The following RBFOX1 variants were observed in gnomAD, a reference collection of about 807,000 sequenced individuals.
RBFOX1 encodes the protein RNA binding protein fox-1 homolog 1.
In RBFOX1, 8 loss-of-function variants were observed where a neutral mutation model predicts 57.7. That is an observed-to-expected ratio of 0.14 (90% CI 0.08 to 0.25). The LOEUF is 0.25. Ranked by LOEUF, RBFOX1 falls within the 10% of genes least tolerant of loss-of-function variation. The pLI is 1.00. For missense variants in RBFOX1, 611 were observed against 548.5 expected (o/e 1.11, Z -1.14); for synonymous variants, 326 against 222.4 (o/e 1.47, Z -4.15).
chr16:7,574,952 C>G (rs1235639349), intron 5 of RBFOX1, among the ~76,000 whole-genome samples: 7 of 151,648 alleles, frequency 4.6e-5, no homozygotes, highest in African/African-American at 1.7e-4. Flanking sequence ...GTTTGTACTG[C>G]ATACACCTTT....
intron 4 of RBFOX1, among the ~76,000 whole-genome samples, chr16:7,184,632 A>G (rs141339795): frequency 4.6e-5 from 7 of 152,270 alleles, no homozygotes; most frequent in African/African-American, 1.7e-4. Flanking sequence ...GAGCAGTCAC[A>G]GTATACCATG....
rs149989881 is a variant in RBFOX1 at position 6,916,276 on chromosome 16, G to A, written c.-15-135781G>A. Among the ~76,000 whole-genome samples, 18 of 152,266 alleles carry A rather than the reference G, an allele frequency of 1.2e-4. No individual in the cohort carries two copies. The East Asian group carries it at 3.1e-3, about 26-fold the overall frequency. ...TAGCATCCAAGATGGAGTCACTGTT[G>A]TTTCCACAGGATACCATAGTTTGTT... On this transcript the variant is annotated intron_variant, in intron 3 of 15. Coordinates refer to ENST00000550418, the MANE Select transcript of RBFOX1 (RefSeq NM_018723.4).
At chr16:6,870,617 A>T (rs376744888) in intron 3 of RBFOX1, among the ~76,000 whole-genome samples, 5 of 152,200 alleles carry the variant, frequency 3.3e-5, no homozygotes, top group African/African-American at 4.8e-5. Context: ...AGCAATAACA[A>T]ATCATAATGT....
At chr16:5,798,170 T>G (rs2054939044) in intron 3 of RBFOX1, among the ~76,000 whole-genome samples, 1 of 152,168 alleles carries the variant, frequency 6.6e-6, no homozygotes, top group African/African-American at 2.4e-5. Context: ...TGACTAATTG[T>G]AAGAAGTCAT....
chr16:6,313,366 G>A (rs1387130204), intron 1 of RBFOX1, among the ~76,000 whole-genome samples: 1 of 152,192 alleles, frequency 6.6e-6, no homozygotes, highest in African/African-American at 2.4e-5. Context: ...TGACCTGCAT[G>A]GGGGCAAGGG....
At chr16:7,467,096 G>T (rs746214798) in intron 4 of RBFOX1, among the ~76,000 whole-genome samples, 1 of 152,114 alleles carries the variant, frequency 6.6e-6, no homozygotes, top group African/African-American at 2.4e-5. Flanking sequence ...TTTAAATTGC[G>T]ATATGAAGGA....
intron 4 of RBFOX1, among the ~76,000 whole-genome samples, chr16:7,349,612 A>G (rs910142247): frequency 6.6e-6 from 1 of 152,046 alleles, no homozygotes; most frequent in African/African-American, 2.4e-5. Flanking sequence ...CAAAATGAGG[A>G]TGGCGACATA....
At chr16:6,055,701 A>G (rs968970160) in intron 1 of RBFOX1, among the ~76,000 whole-genome samples, 4 of 152,012 alleles carry the variant, frequency 2.6e-5, no homozygotes, top group Non-Finnish European at 5.9e-5. Context: ...AATCATTGCG[A>G]TAAGGAAGTG....
At chr16:5,900,025 C>A (rs1233540359) in intron 4 of RBFOX1, among the ~76,000 whole-genome samples, 1 of 152,130 alleles carries the variant, frequency 6.6e-6, no homozygotes, top group East Asian at 1.9e-4. Flanking sequence ...TTGCAGTGAG[C>A]CGAGATTGTG....
intron 10 of RBFOX1, among the ~76,000 whole-genome samples, chr16:7,607,916 C>T (rs1357757472): frequency 1.3e-5 from 2 of 152,190 alleles, no homozygotes; most frequent in Non-Finnish European, 2.9e-5. Flanking sequence ...CCTTCCCTGC[C>T]TAAGCACCAA....
rs1272206497 is a variant in RBFOX1 at position 6,019,689 on chromosome 16, C to T, written c.-430C>T. 5.2e-6 allele frequency: 7 copies of T among 1,337,934 alleles called. No homozygotes were observed. The highest frequency in any genetic ancestry group is 6.7e-6 in the Non-Finnish European group (7 of 1,044,652). 82.9% of individuals were successfully genotyped at this position (1,337,934 alleles called of 1,614,324 possible). A position where few individuals can be genotyped will look rare whatever the true frequency, so the allele number is the denominator to read the frequency against. ...GCGTCCGGAGCAGGAGAACTCCGAGCTTCTTGCCCAGGCAGAGAGAGCAGG... is the reference window on the plus strand; with the variant it reads ...GCGTCCGGAGCAGGAGAACTCCGAGTTTCTTGCCCAGGCAGAGAGAGCAGG... On this transcript the variant is annotated 5_prime_UTR_variant, in exon 1 of 16. Coordinates refer to ENST00000550418, the MANE Select transcript of RBFOX1 (RefSeq NM_018723.4). This position sits in a 1 kb window ranked among gnomAD's most constrained non-coding sequence, Gnocchi z 4.2.
At chr16:6,127,415 G>T (rs1597565153) in intron 1 of RBFOX1, among the ~76,000 whole-genome samples, 2 of 151,860 alleles carry the variant, frequency 1.3e-5, no homozygotes, top group African/African-American at 4.8e-5. Flanking sequence ...TTCAAGAAAT[G>T]TTTGAGCATT....
At chr16:5,898,653 C>G (rs1271728487) in intron 4 of RBFOX1, among the ~76,000 whole-genome samples, 1 of 151,850 alleles carries the variant, frequency 6.6e-6, no homozygotes, top group Admixed American at 6.6e-5. Flanking sequence ...CCAAAATTAC[C>G]CAGGTAGTGA....
At chr16:5,756,681 C>G (rs1031923447) in intron 3 of RBFOX1, among the ~76,000 whole-genome samples, 2 of 152,138 alleles carry the variant, frequency 1.3e-5, no homozygotes, top group Non-Finnish European at 2.9e-5. Context: ...CTAATTTCCT[C>G]AATTTGTACT....
intron 2 of RBFOX1, among the ~76,000 whole-genome samples, chr16:5,497,638 A>AAAAAAAAAAAAAAAAAAAAAAAAAAT (rs71142625): frequency 4.3e-5 from 6 of 139,446 alleles, no homozygotes; most frequent in Non-Finnish European, 6.1e-5. Flanking sequence ...AAAAAAAAAA[A>AAAAAAAAAAAAAAAAAAAAAAAAAAT]GCTGGGCATG....
Position 7,266,283 on chromosome 16 carries a change from TGTG to T in RBFOX1, c.27+214189_27+214191del, listed in dbSNP as rs913117749. ...AGCCACCGTGCCCGGCCGGTAGAGA[TGTG>T]GTGATTTTAAAGTGTGTGGCACCTT... On this transcript the variant is annotated intron_variant, in intron 4 of 15. Transcript: ENST00000550418. Among the ~76,000 whole-genome samples the T allele has an allele frequency of 4.0e-5, 6 of 151,726 alleles. No homozygotes were observed. The East Asian group carries it at 5.8e-4, about 15-fold the overall frequency.
intron 3 of RBFOX1, among the ~76,000 whole-genome samples, chr16:5,842,966 G>C (rs2056662804): frequency 6.6e-6 from 1 of 152,086 alleles, no homozygotes; most frequent in Non-Finnish European, 1.5e-5. Context: ...TTACGGGCAT[G>C]TGCTAGCATG....
intron 4 of RBFOX1, among the ~76,000 whole-genome samples, chr16:7,124,783 C>T (rs904620280): frequency 6.6e-6 from 1 of 151,968 alleles, no homozygotes; most frequent in Non-Finnish European, 1.5e-5. Context: ...GCTGCACTTC[C>T]AATGAAAACA....
intron 4 of RBFOX1, among the ~76,000 whole-genome samples, chr16:7,451,512 A>C (rs76675847): frequency 6.6e-6 from 1 of 152,060 alleles, no homozygotes; most frequent in African/African-American, 2.4e-5. Context: ...TCATGTATCA[A>C]CTTATAAGCA....
Sources: gnomAD v4.1 joint callset for allele counts (sites outside exome capture counted in the v4.1 genomes callset) on GRCh38, gnomAD v4.1.1 for gene constraint, Gnocchi (gnomAD v3.1) non-coding constraint, MANE v1.5 for transcripts, NCBI Gene and HGNC (gene_info 2026-07-23, HGNC 2026-07-21) for gene names.